NETO1: variants seen among roughly 807,000 people sequenced by gnomAD.
The protein encoded by NETO1 is neuropilin and tolloid like 1.
A neutral mutation model predicts 61.3 loss-of-function variants in NETO1; 26 were observed. That is an observed-to-expected ratio of 0.42 (90% CI 0.31 to 0.59). The LOEUF is 0.59. Among genes scored for constraint, NETO1 ranks in the 20% least tolerant of loss-of-function variants. NETO1 has a pLI of 0.12. For synonymous variants in NETO1, 225 were observed against 225.8 expected (o/e 1.00, Z 0.03); for missense variants, 531 against 662.8 (o/e 0.80, Z 2.18).
intron 4 of NETO1, among the ~76,000 whole-genome samples, chr18:72,828,541 A>G (rs1273339321): frequency 6.6e-6 from 1 of 152,258 alleles, no homozygotes; most frequent in Admixed American, 6.5e-5. Context: ...AAAATTTTTC[A>G]AACTATAATT....
rs1393465140 is a variant in NETO1, at chr18:72,783,880, C to A, written c.666G>T (p.Glu222Asp). Reference sequence around the variant, plus strand: ...TCTTGCACTCATTTGAATTCTGCATCTCATAGTCCAAGAATCGTAAGTAAA... The same window carrying A: ...TCTTGCACTCATTTGAATTCTGCATATCATAGTCCAAGAATCGTAAGTAAA... ...SKIYLRFLDY[E>D]MQNSNECKRN... is the part of the protein sequence containing the mutation. The change falls in exon 7 of 11, where the codon GAG (glutamate) becomes GAT (aspartate). Residue 222 changes from glutamate to aspartate, a missense_variant. Physicochemically the swap from Glu to Asp is conservative, Grantham distance 45. Transcript: ENST00000327305. The A allele has an allele frequency of 3.7e-6, 6 of 1,613,276 alleles. No individual in the cohort carries two copies. The highest frequency in any genetic ancestry group is 1.7e-5 in the Admixed American group (1 of 59,990).
rs372493115 is a variant in NETO1 at position 72,867,341 on chromosome 18, A to G, written c.-50T>C. The G allele has an allele frequency of 6.6e-7, 1 of 1,519,016 alleles. No homozygotes were observed. The highest frequency in any genetic ancestry group is 8.9e-7 in the Non-Finnish European group (1 of 1,125,860). The allele number at this position is 1,519,016 out of a possible 1,614,324, so 94.1% of individuals were successfully genotyped here. On this transcript the variant is annotated 5_prime_UTR_variant, in exon 1 of 11. Transcript: ENST00000327305. ...CGGGCTCCACTAATTCCATTTAGAG[A>G]CGGGAAGACTTCCAGTGGCGGGGGG...
chr18:72,743,016 T>C (rs2070366415), downstream of NETO1, among the ~76,000 whole-genome samples: 1 of 152,188 alleles, frequency 6.6e-6, no homozygotes, highest in African/African-American at 2.4e-5. Flanking sequence ...CTGTTTTGAT[T>C]CTACTGTATT....
At chr18:72,846,336 C>G (rs940517349) in intron 4 of NETO1, among the ~76,000 whole-genome samples, 1 of 151,234 alleles carries the variant, frequency 6.6e-6, no homozygotes, top group East Asian at 2.0e-4. Context: ...AATCCCGTCT[C>G]TACTAAAAAA....
At chr18:72,824,165 C>T (rs372647331) in intron 4 of NETO1, among the ~76,000 whole-genome samples, 22 of 152,120 alleles carry the variant, frequency 1.4e-4, no homozygotes, top group African/African-American at 4.6e-4. Flanking sequence ...GAGAATAAGC[C>T]GGGTTTTTGT....
intron 7 of NETO1, among the ~76,000 whole-genome samples, chr18:72,774,844 T>C (rs1481798871): frequency 6.6e-6 from 1 of 152,236 alleles, no homozygotes; most frequent in Non-Finnish European, 1.5e-5. Flanking sequence ...GGGTAAATTG[T>C]AGACTAAACA....
At chr18:72,769,754 T>C (rs944809915) in intron 7 of NETO1, among the ~76,000 whole-genome samples, 3 of 152,150 alleles carry the variant, frequency 2.0e-5, no homozygotes, top group Non-Finnish European at 4.4e-5. Context: ...ACGTGTTCGC[T>C]ACTTGCTTCT....
At chr18:72,807,289 T>A (rs1485236239) in intron 4 of NETO1, among the ~76,000 whole-genome samples, 1 of 152,204 alleles carries the variant, frequency 6.6e-6, no homozygotes, top group Non-Finnish European at 1.5e-5. Context: ...TTTTCTAGTT[T>A]AACATAAATT....
At chr18:72,776,129 A>C (rs2071538442) in intron 7 of NETO1, among the ~76,000 whole-genome samples, 1 of 152,166 alleles carries the variant, frequency 6.6e-6, no homozygotes, top group Non-Finnish European at 1.5e-5. Context: ...GCTTTGGGCG[A>C]GGGATCTCAT....
chr18:72,756,006 T>A (rs748808923), intron 8 of NETO1, 28 bp downstream of exon 8: 47 of 1,281,876 alleles, frequency 3.7e-5, no homozygotes, highest in Non-Finnish European at 5.2e-5. Flanking sequence ...GAGGAAATTT[T>A]TTTCAAATTT....
intron 7 of NETO1, among the ~76,000 whole-genome samples, chr18:72,768,766 G>A (rs1272833786): frequency 6.6e-6 from 1 of 152,106 alleles, no homozygotes; most frequent in East Asian, 1.9e-4. Context: ...TCTAGAAACG[G>A]GAAAAGGAAG....
chr18:72,762,762 T>TC (rs2071021569), intron 7 of NETO1, among the ~76,000 whole-genome samples: 2 of 151,932 alleles, frequency 1.3e-5, no homozygotes, highest in East Asian at 3.9e-4. Context: ...AGCTTTTGAC[T>TC]CCCTCATGGG....
At chr18:72,799,694 T>A (rs1270338209) in intron 4 of NETO1, among the ~76,000 whole-genome samples, 1 of 152,270 alleles carries the variant, frequency 6.6e-6, no homozygotes, top group Non-Finnish European at 1.5e-5. Context: ...TCACATCTGC[T>A]TGCGCAGCTC....
At chr18:72,762,644 CCTTTGCTTTG>C (rs1407261770) in intron 7 of NETO1, among the ~76,000 whole-genome samples, 2 of 152,128 alleles carry the variant, frequency 1.3e-5, no homozygotes, top group African/African-American at 4.8e-5. Flanking sequence ...TTACATAGCA[CCTTTGCTTTG>C]CTCTATTGCT....
At chr18:72,858,008 C>T (rs2074456389) in intron 4 of NETO1, among the ~76,000 whole-genome samples, 6 of 152,080 alleles carry the variant, frequency 3.9e-5, no homozygotes, top group Admixed American at 1.3e-4. Context: ...TGAAATTATG[C>T]TATTGCCTAA....
intron 4 of NETO1, among the ~76,000 whole-genome samples, chr18:72,827,732 A>C (rs1230043431): frequency 1.4e-5 from 2 of 145,226 alleles, no homozygotes; most frequent in African/African-American, 5.3e-5. Context: ...AAAAAAAAAA[A>C]AAAAAGAAAG....
chr18:72,864,424 A>T (rs1412298471), intron 3 of NETO1, among the ~76,000 whole-genome samples: 1 of 152,234 alleles, frequency 6.6e-6, no homozygotes, highest in Non-Finnish European at 1.5e-5. Flanking sequence ...AATACTAAAG[A>T]AATGTAACAT....
At chr18:72,839,056 T>A (rs1166639318) in intron 4 of NETO1, among the ~76,000 whole-genome samples, 1 of 152,210 alleles carries the variant, frequency 6.6e-6, no homozygotes, top group Non-Finnish European at 1.5e-5. Context: ...CCACTAAGCA[T>A]TCACAACCGC....
At chr18:72,828,324 A>C (rs6566666) in intron 4 of NETO1, among the ~76,000 whole-genome samples, 9 of 151,002 alleles carry the variant, frequency 6.0e-5, no homozygotes, top group Admixed American at 4.6e-4. Flanking sequence ...AAAAAAAAAA[A>C]GCAAATCAAG....
Sources: gnomAD v4.1 joint callset for allele counts (sites outside exome capture counted in the v4.1 genomes callset) on GRCh38, gnomAD v4.1.1 for gene constraint, MANE v1.5 for transcripts, NCBI Gene and HGNC (gene_info 2026-07-23, HGNC 2026-07-21) for gene names.